Variants in TXLNB observed in about 807,000 individuals in gnomAD.
TXLNB encodes the protein beta-taxilin.
A neutral mutation model predicts 57.4 loss-of-function variants in TXLNB; 37 were observed. The observed-to-expected ratio is 0.64, with a 90% CI of 0.50 to 0.85. TXLNB has a LOEUF of 0.85. Among genes scored for constraint, TXLNB ranks in the 40% least tolerant of loss-of-function variants. The pLI is 0.00. For synonymous variants in TXLNB, 302 were observed against 309.6 expected (o/e 0.98, Z 0.26); for missense variants, 848 against 825.6 (o/e 1.03, Z -0.33).
chr6:139,272,490 C>G (rs1254187961), intron 3 of TXLNB, among the ~76,000 whole-genome samples: 1 of 152,094 alleles, frequency 6.6e-6, no homozygotes, highest in Admixed American at 6.5e-5. Context: ...ATTCTATCTT[C>G]ATACTTATGT....
chr6:139,189,975 A>G, the TXLNB span, among the ~76,000 whole-genome samples: 3 of 152,190 alleles, frequency 2.0e-5, no homozygotes, highest in South Asian at 2.1e-4. Context: ...CTGTCTGTCA[A>G]ACAAATGTGC....
At chr6:139,302,199 T>G in the TXLNB span, among the ~76,000 whole-genome samples, 1 of 151,856 alleles carries the variant, frequency 6.6e-6, no homozygotes, top group Non-Finnish European at 1.5e-5. Context: ...TTTTTAAAAA[T>G]ATGTTTTAAG....
the TXLNB span, among the ~76,000 whole-genome samples, chr6:139,216,979 A>C: frequency 2.2e-4 from 34 of 152,322 alleles, no homozygotes; most frequent in African/African-American, 7.7e-4. Flanking sequence ...ACTTATCCAC[A>C]TAACAAAAAA....
At chr6:139,211,174 ACTGC>A in the TXLNB span, among the ~76,000 whole-genome samples, 91 of 152,324 alleles carry the variant, frequency 6.0e-4, no homozygotes, top group East Asian at 0.015. Context: ...GAACGGGCAG[ACTGC>A]CTCCTCAAGT....
the TXLNB span, among the ~76,000 whole-genome samples, chr6:139,225,991 T>C: frequency 1.3e-5 from 2 of 151,964 alleles, no homozygotes; most frequent in African/African-American, 4.8e-5. Flanking sequence ...CTGAACAGAA[T>C]AGAGTTTAGA....
At chr6:139,222,774 T>G in the TXLNB span, among the ~76,000 whole-genome samples, 4 of 152,234 alleles carry the variant, frequency 2.6e-5, no homozygotes, top group East Asian at 7.7e-4. Context: ...GCCACTGCAC[T>G]CCAGCCTGGG....
intron 6 of TXLNB, among the ~76,000 whole-genome samples, chr6:139,259,767 T>C (rs1360465398): frequency 1.3e-5 from 2 of 152,176 alleles, no homozygotes; most frequent in African/African-American, 4.8e-5. Context: ...ACACGGTGCT[T>C]AGTAGATAAC....
At chr6:139,316,198 C>A in the TXLNB span, among the ~76,000 whole-genome samples, 1 of 152,208 alleles carries the variant, frequency 6.6e-6, no homozygotes, top group Non-Finnish European at 1.5e-5. Context: ...CTTGGCTAAG[C>A]TTTAGTCAGG....
At chr6:139,261,290 C>T (rs1776473546) in intron 5 of TXLNB, among the ~76,000 whole-genome samples, 1 of 152,124 alleles carries the variant, frequency 6.6e-6, no homozygotes. Flanking sequence ...CTTCTTTAGT[C>T]TGAACCTCCA....
the TXLNB span, chr6:139,199,980 A>AAT: frequency 6.6e-6 from 1 of 152,226 alleles, no homozygotes; most frequent in South Asian, 2.1e-4. Flanking sequence ...GCCCAGCAAC[A>AAT]GTGCTCTGAA....
At chr6:139,204,435 C>T in the TXLNB span, among the ~76,000 whole-genome samples, 8 of 152,282 alleles carry the variant, frequency 5.3e-5, no homozygotes, top group South Asian at 2.1e-4. Context: ...TTCTCCAGCT[C>T]GAGCCCAGGG....
the TXLNB span, among the ~76,000 whole-genome samples, chr6:139,185,390 A>G: frequency 6.6e-6 from 1 of 152,206 alleles, no homozygotes; most frequent in African/African-American, 2.4e-5. Flanking sequence ...CTTTAAAGAC[A>G]TAAGTTTTCA....
intron 3 of TXLNB, among the ~76,000 whole-genome samples, chr6:139,272,390 C>T (rs1051634602): frequency 3.3e-5 from 5 of 152,184 alleles, no homozygotes; most frequent in Non-Finnish European, 7.3e-5. Context: ...CTTCGGTTCA[C>T]ATTTTATTTC....
At chr6:139,261,331 A>G (rs1038026279) in intron 5 of TXLNB, among the ~76,000 whole-genome samples, 2 of 152,152 alleles carry the variant, frequency 1.3e-5, no homozygotes, top group South Asian at 2.1e-4. Context: ...TTATGACAAG[A>G]TAAAATGGTA....
At chr6:139,167,323 A>G in the TXLNB span, 1 of 1,581,146 alleles carries the variant, frequency 6.3e-7, no homozygotes, top group Non-Finnish European at 8.7e-7. Flanking sequence ...GTCACCTTCA[A>G]GGTATAGGTG....
the TXLNB span, among the ~76,000 whole-genome samples, chr6:139,215,882 A>G: frequency 6.6e-6 from 1 of 152,324 alleles, no homozygotes; most frequent in South Asian, 2.1e-4. Flanking sequence ...AATGCTCACC[A>G]TCACTGGCCA....
rs1475233477 is a variant in TXLNB, at chr6:139,280,838, G to C, written c.425-3917C>G. Among the ~76,000 whole-genome samples, 10 of 152,210 alleles carry C rather than the reference G, an allele frequency of 6.6e-5. No homozygotes were observed. The South Asian group carries it at 8.3e-4, about 13-fold the overall frequency. On this transcript the variant is annotated intron_variant, in intron 2 of 9. Transcript: ENST00000358430. ...GTTAGACCTAGATTTATATTTCACT[G>C]TTAGTTTTGTTTTTCTTCTAATAGG...
the TXLNB span, among the ~76,000 whole-genome samples, chr6:139,297,840 C>A: frequency 2.0e-5 from 3 of 152,148 alleles, no homozygotes; most frequent in Non-Finnish European, 4.4e-5. Flanking sequence ...TTGAAGGAAT[C>A]TATTGTATCA....
chr6:139,307,582 C>T, the TXLNB span, among the ~76,000 whole-genome samples: 1 of 152,132 alleles, frequency 6.6e-6, no homozygotes. Flanking sequence ...GAGCTTATGC[C>T]CTTTCAATTA....
Sources: gnomAD v4.1 joint callset for allele counts (sites outside exome capture counted in the v4.1 genomes callset) on GRCh38, gnomAD v4.1.1 for gene constraint, MANE v1.5 for transcripts, NCBI Gene and HGNC (gene_info 2026-07-23, HGNC 2026-07-21) for gene names.